The following COL28A1 variants were observed in gnomAD, a reference collection of about 807,000 sequenced individuals.
COL28A1 encodes the protein collagen type XXVIII alpha 1 chain, also known as collagen alpha-1(XXVIII) chain.
A neutral mutation model predicts 150.2 loss-of-function variants in COL28A1; 161 were observed. The ratio of observed to expected loss-of-function variants is 1.07; its 90% CI spans 0.94 to 1.22. The LOEUF (loss-of-function observed/expected upper bound fraction) is 1.22, where lower values mean the gene tolerates loss of function less well. COL28A1 is among the 50% of genes most tolerant of loss of function. The pLI, the probability that COL28A1 is intolerant of heterozygous loss-of-function variation, is 0.00. For synonymous variants in COL28A1, 552 were observed against 469.7 expected (o/e 1.18, Z -2.26); for missense variants, 1,617 against 1,388.3 (o/e 1.16, Z -2.62).
intron 10 of COL28A1, 70 bp downstream of exon 10, chr7:7,507,047 G>A: frequency 1.2e-6 from 1 of 803,426 alleles, no homozygotes; most frequent in Non-Finnish European, 2.2e-6. Flanking sequence ...GTGCAAGTGG[G>A]CAAGGGGATG....
chr7:7,341,623 A>C, the COL28A1 span, among the ~76,000 whole-genome samples: 2 of 152,028 alleles, frequency 1.3e-5, no homozygotes, highest in African/African-American at 4.8e-5. Flanking sequence ...TTTACCACTT[A>C]AACTATCCTT....
intron 23 of COL28A1, among the ~76,000 whole-genome samples, chr7:7,435,640 T>C (rs1229648404): frequency 1.3e-5 from 2 of 152,224 alleles, no homozygotes; most frequent in Non-Finnish European, 2.9e-5. Flanking sequence ...AGGTTTTGCA[T>C]CATATTTTAT....
chr7:7,450,895 G>A (rs1786640400), intron 18 of COL28A1, among the ~76,000 whole-genome samples: 1 of 152,042 alleles, frequency 6.6e-6, no homozygotes, highest in Non-Finnish European at 1.5e-5. Context: ...AAAACATAAG[G>A]CTGACTATAA....
chr7:7,427,756 G>T (rs1289020734), intron 25 of COL28A1, among the ~76,000 whole-genome samples: 1 of 152,114 alleles, frequency 6.6e-6, no homozygotes, highest in Non-Finnish European at 1.5e-5. Flanking sequence ...TTTTGGGTTT[G>T]GGGTTTATGC....
chr7:7,532,815 C>T lies in COL28A1; in HGVS notation c.61G>A (p.Val21Ile). Residue 21 changes from valine to isoleucine, a missense_variant, in exon 2 of 35, where the codon GTA becomes ATA. By Grantham distance (29) the Val-to-Ile change is conservative (BLOSUM62 3). Coordinates refer to ENST00000399429, the MANE Select transcript of COL28A1 (RefSeq NM_001037763.3). The part of the protein sequence containing the change: ...LLLSAFTSQT[V>I]SGQRKKGPKS... The stretch of plus-strand genomic sequence containing the variant: ...GGTCCTTTCTTTCTTTGTCCGGATA[C>T]TGTTTGACTCGTAAACGCTGACAAA... 6.2e-7 allele frequency: 1 copy of T among 1,612,494 alleles called. No homozygotes were observed.
Position 7,506,037 on chromosome 7 carries a change from G to A in COL28A1, c.1003C>T (p.Pro335Ser). ...GITGPPGDPG[P>S]KGFQGNKGEP... Reference sequence around the variant, plus strand: ...ACCTTATTGCCTTGAAACCCCTTTGGGCCTGGGTCTCCTGGAGGTCCAGTA... The same window carrying A: ...ACCTTATTGCCTTGAAACCCCTTTGAGCCTGGGTCTCCTGGAGGTCCAGTA... The change falls in exon 11 of 35, where the codon CCA becomes TCA. Residue 335 changes from proline (P) to serine (S), a missense_variant. Coordinates refer to ENST00000399429, the MANE Select transcript of COL28A1 (RefSeq NM_001037763.3). 6.8e-7 allele frequency: 1 copy of A among 1,477,794 alleles called. No individual in the cohort carries two copies. The highest frequency in any genetic ancestry group is 9.5e-7 in the Non-Finnish European group (1 of 1,055,666). 91.5% of individuals were successfully genotyped at this position (1,477,794 alleles called of 1,614,324 possible).
At chr7:7,354,973 A>C (rs1234051439), downstream of COL28A1, among the ~76,000 whole-genome samples, 1 of 152,178 alleles carries the variant, frequency 6.6e-6, no homozygotes, top group Non-Finnish European at 1.5e-5. Context: ...TTTTGTCCTA[A>C]GGACATTTCT....
intron 20 of COL28A1, among the ~76,000 whole-genome samples, chr7:7,441,303 G>A (rs17167775): frequency 6.6e-6 from 1 of 152,022 alleles, no homozygotes; most frequent in African/African-American, 2.4e-5. Context: ...CCTCACTGGG[G>A]AGTCTAATTC....
intron 33 of COL28A1, among the ~76,000 whole-genome samples, chr7:7,365,388 GA>G (rs1780882821): frequency 6.6e-6 from 1 of 152,138 alleles, no homozygotes; most frequent in Non-Finnish European, 1.5e-5. Context: ...AGGCACAAAT[GA>G]GTTGTCTAGG....
intron 27 of COL28A1, among the ~76,000 whole-genome samples, chr7:7,409,918 A>G (rs966178878): frequency 2.0e-5 from 3 of 152,190 alleles, no homozygotes; most frequent in South Asian, 2.1e-4. Flanking sequence ...TTGAGAGCCT[A>G]AAGTTTTCAT....
At chr7:7,409,859 T>C (rs960627186) in intron 27 of COL28A1, among the ~76,000 whole-genome samples, 16 of 152,070 alleles carry the variant, frequency 1.1e-4, no homozygotes, top group Non-Finnish European at 2.1e-4. Flanking sequence ...TCATAGCAAA[T>C]AGGCAAGAAA....
chr7:7,516,501 C>A (rs546845963), intron 7 of COL28A1, among the ~76,000 whole-genome samples: 2 of 152,282 alleles, frequency 1.3e-5, no homozygotes, highest in East Asian at 1.9e-4. Context: ...TGTGTCACTG[C>A]CCATGGCCCT....
intron 3 of COL28A1, among the ~76,000 whole-genome samples, chr7:7,530,641 G>A (rs913095425): frequency 6.6e-6 from 1 of 152,104 alleles, no homozygotes; most frequent in African/African-American, 2.4e-5. Context: ...GTGGTGCCGT[G>A]TGTTTTACAA....
chr7:7,370,485 A>G (rs1367695347), intron 33 of COL28A1, among the ~76,000 whole-genome samples: 1 of 152,196 alleles, frequency 6.6e-6, no homozygotes, highest in Non-Finnish European at 1.5e-5. Context: ...ATATAAAAAT[A>G]TTATCAGCAA....
intron 27 of COL28A1, among the ~76,000 whole-genome samples, chr7:7,405,937 G>C (rs189884063): frequency 6.6e-6 from 1 of 152,012 alleles, no homozygotes; most frequent in Non-Finnish European, 1.5e-5. Flanking sequence ...CCCTATCATG[G>C]GGCAAAACCA....
intron 27 of COL28A1, among the ~76,000 whole-genome samples, chr7:7,383,250 T>TTGTGTGTG (rs368714766): frequency 4.4e-4 from 47 of 107,210 alleles, no homozygotes; most frequent in African/African-American, 1.5e-3. Context: ...CTTTTTTTTG[T>TTGTGTGTG]TGTGTGTGTG....
chr7:7,539,036 C>T (rs1218184625), upstream of COL28A1, among the ~76,000 whole-genome samples: 1 of 151,956 alleles, frequency 6.6e-6, no homozygotes, highest in Non-Finnish European at 1.5e-5. Context: ...CTAACACCTG[C>T]CCCAAAGCTC....
chr7:7,471,544 G>C (rs144378183), intron 15 of COL28A1, among the ~76,000 whole-genome samples: 10 of 152,312 alleles, frequency 6.6e-5, no homozygotes, highest in African/African-American at 2.4e-4. Context: ...TTTCATAACA[G>C]GGATGCAGGG....
chr7:7,429,072 T>C (rs1006155797), intron 25 of COL28A1, among the ~76,000 whole-genome samples: 4 of 152,224 alleles, frequency 2.6e-5, no homozygotes, highest in African/African-American at 9.6e-5. Flanking sequence ...AAACCCACCA[T>C]AAATTCATCG....
Sources: gnomAD v4.1 joint callset for allele counts (sites outside exome capture counted in the v4.1 genomes callset) on GRCh38, gnomAD v4.1.1 for gene constraint, MANE v1.5 for transcripts, NCBI Gene and HGNC (gene_info 2026-07-23, HGNC 2026-07-21) for gene names.